AFG2A: variants seen among roughly 807,000 people sequenced by gnomAD.
AFG2A encodes ATPase family gene 2 protein homolog A.
the AFG2A span, among the ~76,000 whole-genome samples, chr4:123,185,070 T>C: frequency 6.6e-6 from 1 of 152,188 alleles, no homozygotes; most frequent in Non-Finnish European, 1.5e-5. Flanking sequence ...ATTTTGTAGG[T>C]GAAACCTAGG....
At chr4:123,283,183 C>A in the AFG2A span, among the ~76,000 whole-genome samples, 5 of 152,012 alleles carry the variant, frequency 3.3e-5, no homozygotes, top group East Asian at 9.7e-4. Flanking sequence ...TAGCATTGTG[C>A]TGCGAATGAT....
chr4:122,934,881 G>A, the AFG2A span: 88 of 1,042,064 alleles, frequency 8.4e-5, no homozygotes, highest in Non-Finnish European at 8.5e-5. Context: ...AGTTGCTTTG[G>A]GAGATGCCAG....
chr4:122,982,864 CTTTTTTTTT>C, the AFG2A span, among the ~76,000 whole-genome samples: 1 of 93,766 alleles, frequency 1.1e-5, no homozygotes, highest in Non-Finnish European at 1.9e-5. Context: ...TAATCTTCTT[CTTTTTTTTT>C]TTTTTTTTTT....
chr4:123,086,673 T>C, the AFG2A span, among the ~76,000 whole-genome samples: 1 of 151,836 alleles, frequency 6.6e-6, no homozygotes, highest in African/African-American at 2.4e-5. Flanking sequence ...TTCTTAGATA[T>C]TTTGTTCTGT....
the AFG2A span, among the ~76,000 whole-genome samples, chr4:123,271,885 C>T: frequency 6.6e-6 from 1 of 150,556 alleles, no homozygotes; most frequent in African/African-American, 2.4e-5. Context: ...TTTTTCATGC[C>T]CCAAAATGAT....
At chr4:123,288,205 A>G in the AFG2A span, among the ~76,000 whole-genome samples, 1 of 152,148 alleles carries the variant, frequency 6.6e-6, no homozygotes, top group South Asian at 2.1e-4. Context: ...AAGAGAGGAA[A>G]TAGAAAATGG....
chr4:123,023,052 G>C, the AFG2A span, among the ~76,000 whole-genome samples: 3 of 138,454 alleles, frequency 2.2e-5, no homozygotes, highest in Non-Finnish European at 4.7e-5. Flanking sequence ...GGGGGAGGGG[G>C]GAGGGATAGC....
chr4:123,212,474 A>G, the AFG2A span, among the ~76,000 whole-genome samples: 1 of 152,188 alleles, frequency 6.6e-6, no homozygotes, highest in Non-Finnish European at 1.5e-5. Flanking sequence ...TCAAAAGATA[A>G]TAATAGGCAA....
chr4:123,308,536 T>C, the AFG2A span, among the ~76,000 whole-genome samples: 2 of 152,134 alleles, frequency 1.3e-5, no homozygotes, highest in South Asian at 2.1e-4. Flanking sequence ...GAACTGTGCA[T>C]GTGAGGGATC....
chr4:123,136,949 G>C, the AFG2A span, among the ~76,000 whole-genome samples: 1 of 152,160 alleles, frequency 6.6e-6, no homozygotes, highest in Non-Finnish European at 1.5e-5. Flanking sequence ...CCAGGGACCA[G>C]TTTTGTGAAA....
At chr4:123,168,815 G>T in the AFG2A span, among the ~76,000 whole-genome samples, 7 of 152,216 alleles carry the variant, frequency 4.6e-5, no homozygotes. Flanking sequence ...GGGAAACTCA[G>T]TATTACCATG....
the AFG2A span, among the ~76,000 whole-genome samples, chr4:123,297,051 C>T: frequency 2.0e-5 from 3 of 152,182 alleles, no homozygotes; most frequent in African/African-American, 7.2e-5. Context: ...ATAACATTTC[C>T]ATAAACTTCC....
At chr4:123,074,321 CT>C in the AFG2A span, among the ~76,000 whole-genome samples, 2 of 151,954 alleles carry the variant, frequency 1.3e-5, no homozygotes, top group African/African-American at 4.8e-5. Context: ...TCTTGAACTC[CT>C]GACCTCAGGT....
chr4:122,978,225 G>A, the AFG2A span, among the ~76,000 whole-genome samples: 1 of 152,090 alleles, frequency 6.6e-6, no homozygotes, highest in African/African-American at 2.4e-5. Flanking sequence ...GGAGTGGGTG[G>A]CTCCTTTCTG....
At chr4:123,176,420 A>G in the AFG2A span, among the ~76,000 whole-genome samples, 1 of 152,240 alleles carries the variant, frequency 6.6e-6, no homozygotes, top group Non-Finnish European at 1.5e-5. Flanking sequence ...CAGTACTACA[A>G]CAATACACAA....
At chr4:123,243,347 C>T in the AFG2A span, among the ~76,000 whole-genome samples, 1 of 152,260 alleles carries the variant, frequency 6.6e-6, no homozygotes, top group East Asian at 1.9e-4. Flanking sequence ...GGAACCAACC[C>T]AAATTTCCAT....
chr4:122,961,491 G>A, the AFG2A span, among the ~76,000 whole-genome samples: 1 of 152,092 alleles, frequency 6.6e-6, no homozygotes, highest in Non-Finnish European at 1.5e-5. Flanking sequence ...TTGTTTTTGG[G>A]TAGCCTCCTT....
chr4:123,257,670 C>T, the AFG2A span, among the ~76,000 whole-genome samples: 2 of 152,144 alleles, frequency 1.3e-5, no homozygotes, highest in East Asian at 1.9e-4. Flanking sequence ...ACTGCTCCAA[C>T]ATTTCTAGAA....
chr4:122,945,659 C>T, the AFG2A span, among the ~76,000 whole-genome samples: 2 of 152,228 alleles, frequency 1.3e-5, no homozygotes, highest in Non-Finnish European at 2.9e-5. Flanking sequence ...CACTGTCCTG[C>T]ACCCACTTTC....
Sources: gnomAD v4.1 joint callset for allele counts (sites outside exome capture counted in the v4.1 genomes callset) on GRCh38, gnomAD v4.1.1 for gene constraint, MANE v1.5 for transcripts, NCBI Gene and HGNC (gene_info 2026-07-23, HGNC 2026-07-21) for gene names.